Variants in PTPRD observed in about 807,000 individuals in gnomAD.
PTPRD encodes the protein protein tyrosine phosphatase receptor type D, also known as receptor-type tyrosine-protein phosphatase delta.
Under a neutral mutation model 214.5 loss-of-function variants are expected in PTPRD, and 34 were observed. That is an observed-to-expected ratio of 0.16 (90% confidence interval 0.12 to 0.21). The LOEUF is 0.21. PTPRD is among the 10% of genes least tolerant of loss of function. The pLI, the probability that PTPRD is intolerant of heterozygous loss-of-function variation, is 1.00. For synonymous variants in PTPRD, 1,128 were observed against 845.7 expected, an observed-to-expected ratio of 1.33 and a Z score of -5.79; for missense variants, 2,545 against 2,398.7, an observed-to-expected ratio of 1.06 and a Z score of -1.27.
chr9:8,783,464 T>G (rs532756332), intron 11 of PTPRD, among the ~76,000 whole-genome samples: 1 of 152,248 alleles, frequency 6.6e-6, no homozygotes, highest in East Asian at 1.9e-4. Flanking sequence ...TTCTTTCATT[T>G]TATCCCCAAG....
At chr9:10,042,726 G>A (rs182643543) in intron 3 of PTPRD, among the ~76,000 whole-genome samples, 274 of 152,012 alleles carry the variant, frequency 1.8e-3, no homozygotes, top group Middle Eastern at 3.4e-3. Flanking sequence ...ACATTGGTAG[G>A]TGTAGCTTGG....
At chr9:8,559,064 C>G (rs1564339425) in intron 14 of PTPRD, among the ~76,000 whole-genome samples, 1 of 152,132 alleles carries the variant, frequency 6.6e-6, no homozygotes, top group Non-Finnish European at 1.5e-5. Flanking sequence ...GTTTCTATCT[C>G]TTTTATGCCA....
intron 2 of PTPRD, among the ~76,000 whole-genome samples, chr9:10,585,425 G>A (rs1203872032): frequency 6.6e-6 from 1 of 151,240 alleles, no homozygotes; most frequent in Non-Finnish European, 1.5e-5. Flanking sequence ...ACCTTTAGAA[G>A]TCAAAAGACA....
At chr9:9,479,679 A>G (rs2095313290) in intron 8 of PTPRD, among the ~76,000 whole-genome samples, 1 of 152,164 alleles carries the variant, frequency 6.6e-6, no homozygotes, top group African/African-American at 2.4e-5. Context: ...GATGGCAATC[A>G]CTATTGTTTT....
chr9:8,967,915 C>A (rs1467418749), intron 11 of PTPRD, among the ~76,000 whole-genome samples: 3 of 152,054 alleles, frequency 2.0e-5, no homozygotes, highest in African/African-American at 7.2e-5. Context: ...CCCTCCACCC[C>A]ACGAGAGGCC....
At chr9:10,328,848 A>G (rs752325736) in intron 3 of PTPRD, among the ~76,000 whole-genome samples, 3 of 151,782 alleles carry the variant, frequency 2.0e-5, no homozygotes, top group Non-Finnish European at 4.4e-5. Flanking sequence ...CAACTCTGAT[A>G]GGACAAAATG....
At chr9:8,447,053 A>G (rs1388068634) in intron 34 of PTPRD, among the ~76,000 whole-genome samples, 3 of 152,240 alleles carry the variant, frequency 2.0e-5, no homozygotes, top group Admixed American at 1.3e-4. Flanking sequence ...AGGCCACAAC[A>G]TAGAGCTTGG....
intron 14 of PTPRD, among the ~76,000 whole-genome samples, chr9:8,579,721 G>T (rs1425679181): frequency 6.6e-6 from 1 of 152,218 alleles, no homozygotes; most frequent in Non-Finnish European, 1.5e-5. Flanking sequence ...GAGTAAGGTT[G>T]CAGTGGATGG....
chr9:9,893,893 T>G (rs1188110933), intron 5 of PTPRD, among the ~76,000 whole-genome samples: 1 of 151,950 alleles, frequency 6.6e-6, no homozygotes, highest in East Asian at 1.9e-4. Context: ...TGATCATAGC[T>G]CACTGTAACC....
At chr9:9,392,193 T>C (rs547224655) in intron 9 of PTPRD, among the ~76,000 whole-genome samples, 1 of 152,280 alleles carries the variant, frequency 6.6e-6, no homozygotes, top group South Asian at 2.1e-4. Flanking sequence ...GTGTGCTACA[T>C]ACAGTAATCT....
At chr9:10,498,124 G>A (rs1208430218) in intron 2 of PTPRD, among the ~76,000 whole-genome samples, 1 of 151,960 alleles carries the variant, frequency 6.6e-6, no homozygotes, top group African/African-American at 2.4e-5. Flanking sequence ...GCTCTTCCAT[G>A]GATTTGGTTG....
Position 9,280,840 on chromosome 9 carries a change from G to T in PTPRD, c.-202-97477C>A, listed in dbSNP as rs538453439. Among the ~76,000 whole-genome samples, 8 of 151,270 alleles carry T rather than the reference G, an allele frequency of 5.3e-5. No homozygotes were observed. In the East Asian group the frequency reaches 1.6e-3, roughly 30 times the overall value. On this transcript the variant is annotated intron_variant, in intron 9 of 45. Transcript: ENST00000381196. ...TAGTCAACACAATATTGAAGGAAAA[G>T]GTGGAGGGCTGACATATCCGACTTC... is the stretch of plus-strand genomic sequence containing the variant.
chr9:9,815,515 G>T (rs1284655265), intron 5 of PTPRD, among the ~76,000 whole-genome samples: 1 of 152,000 alleles, frequency 6.6e-6, no homozygotes, highest in Non-Finnish European at 1.5e-5. Context: ...TAAACCAGTG[G>T]TCTATATCAA....
chr9:8,627,862 A>C (rs1394974591), intron 14 of PTPRD, among the ~76,000 whole-genome samples: 1 of 151,890 alleles, frequency 6.6e-6, no homozygotes, highest in African/African-American at 2.4e-5. Flanking sequence ...TACACCAACG[A>C]AAGTCAGGAG....
At chr9:10,090,370 T>C (rs1474858097) in intron 3 of PTPRD, among the ~76,000 whole-genome samples, 3 of 151,456 alleles carry the variant, frequency 2.0e-5, no homozygotes, top group Non-Finnish European at 4.4e-5. Context: ...AAATATAGAA[T>C]TATAATTATT....
At chr9:9,749,557 A>C (rs2098494936) in intron 6 of PTPRD, among the ~76,000 whole-genome samples, 1 of 152,176 alleles carries the variant, frequency 6.6e-6, no homozygotes, top group African/African-American at 2.4e-5. Flanking sequence ...ATTGTTTAAC[A>C]GTCTTAATTC....
At chr9:8,372,873 T>C (rs1353936421) in intron 39 of PTPRD, among the ~76,000 whole-genome samples, 1 of 151,998 alleles carries the variant, frequency 6.6e-6, no homozygotes, top group Admixed American at 6.6e-5. Flanking sequence ...CTGACCTTTT[T>C]TGGGCTACTA....
At chr9:8,419,304 T>C (rs1181841886) in intron 35 of PTPRD, among the ~76,000 whole-genome samples, 2 of 151,874 alleles carry the variant, frequency 1.3e-5, no homozygotes, top group African/African-American at 4.8e-5. Flanking sequence ...AAACAGAATT[T>C]TATTCTGAAA....
At chr9:9,535,778 G>A (rs1399400320) in intron 8 of PTPRD, among the ~76,000 whole-genome samples, 5 of 152,020 alleles carry the variant, frequency 3.3e-5, no homozygotes, top group African/African-American at 1.2e-4. Flanking sequence ...ATGTCATTAA[G>A]AACAGAAAGG....
Sources: gnomAD v4.1 joint callset for allele counts (sites outside exome capture counted in the v4.1 genomes callset) on GRCh38, gnomAD v4.1.1 for gene constraint, MANE v1.5 for transcripts, NCBI Gene and HGNC (gene_info 2026-07-23, HGNC 2026-07-21) for gene names.